Variants in PDE10A observed in about 807,000 individuals in gnomAD.
The protein encoded by PDE10A is cAMP and cAMP-inhibited cGMP 3',5'-cyclic phosphodiesterase 10A.
A neutral mutation model predicts 97.7 loss-of-function variants in PDE10A; 39 were observed. The observed-to-expected ratio is 0.40, with a 90% CI of 0.31 to 0.52. The LOEUF (loss-of-function observed/expected upper bound fraction) is 0.52. Among genes scored for constraint, PDE10A ranks in the 20% least tolerant of loss-of-function variants. PDE10A has a pLI of 0.56. For missense variants in PDE10A, 731 were observed against 1,047.8 expected, an observed-to-expected ratio of 0.70 and a Z score of 4.17; for synonymous variants, 371 against 376.8, an observed-to-expected ratio of 0.98 and a Z score of 0.18.
chr6:165,380,893 T>C (rs1482071608), intron 17 of PDE10A, among the ~76,000 whole-genome samples: 1 of 152,260 alleles, frequency 6.6e-6, no homozygotes, highest in East Asian at 1.9e-4. Context: ...AGCTCCTGCA[T>C]CAACACTGAA....
At chr6:165,627,979 T>A (rs1788463158) in intron 1 of PDE10A, among the ~76,000 whole-genome samples, 1 of 152,232 alleles carries the variant, frequency 6.6e-6, no homozygotes, top group Non-Finnish European at 1.5e-5. Flanking sequence ...CACATAATTG[T>A]GACACCTTGG....
intron 1 of PDE10A, among the ~76,000 whole-genome samples, chr6:165,937,806 A>G (rs1016971351): frequency 6.6e-6 from 1 of 152,194 alleles, no homozygotes; most frequent in African/African-American, 2.4e-5. Flanking sequence ...CCAGTTCTAT[A>G]AACAGGAGAC....
At chr6:165,683,258 A>T (rs1791025878) in intron 1 of PDE10A, among the ~76,000 whole-genome samples, 1 of 152,200 alleles carries the variant, frequency 6.6e-6, no homozygotes, top group African/African-American at 2.4e-5. Context: ...ATGGGCAAAA[A>T]GAACACTATT....
At chr6:165,389,222 G>A (rs946601605) in intron 16 of PDE10A, among the ~76,000 whole-genome samples, 2 of 152,136 alleles carry the variant, frequency 1.3e-5, no homozygotes, top group Non-Finnish European at 2.9e-5. Flanking sequence ...ATTATTACAC[G>A]GTTTTTAGCA....
At chr6:165,971,744 T>G (rs143900058) in intron 1 of PDE10A, among the ~76,000 whole-genome samples, 6 of 152,360 alleles carry the variant, frequency 3.9e-5, no homozygotes, top group Admixed American at 3.9e-4. Context: ...GAAGCGGTAC[T>G]GCAAACCACA....
intron 1 of PDE10A, among the ~76,000 whole-genome samples, chr6:165,593,425 T>C (rs1053020116): frequency 6.6e-6 from 1 of 151,952 alleles, no homozygotes; most frequent in Non-Finnish European, 1.5e-5. Flanking sequence ...TGCACATGTA[T>C]CCCAGAACTT....
intron 1 of PDE10A, among the ~76,000 whole-genome samples, chr6:165,838,117 G>C (rs545395993): frequency 1.9e-4 from 29 of 152,284 alleles, no homozygotes; most frequent in Middle Eastern, 3.4e-3. Flanking sequence ...TAATTGTAGG[G>C]TTTGAGTAAC....
At chr6:165,570,040 T>G (rs1264716867) in intron 1 of PDE10A, among the ~76,000 whole-genome samples, 2 of 152,140 alleles carry the variant, frequency 1.3e-5, no homozygotes, top group African/African-American at 4.8e-5. Flanking sequence ...CCAAAATTCA[T>G]GTGTTGAAGT....
At chr6:165,357,118 T>G (rs1242429426) in intron 18 of PDE10A, among the ~76,000 whole-genome samples, 1 of 152,158 alleles carries the variant, frequency 6.6e-6, no homozygotes, top group Admixed American at 6.5e-5. Flanking sequence ...GTCAGATGCT[T>G]TTTCTACATC....
chr6:165,691,176 TCTC>T (rs1791277399), intron 1 of PDE10A, among the ~76,000 whole-genome samples: 1 of 37,342 alleles, frequency 2.7e-5, no homozygotes, highest in Non-Finnish European at 6.4e-5. Flanking sequence ...TTTCTTTCTC[TCTC>T]TCTCTCTCCC....
At chr6:165,536,164 A>AT (rs1002866058) in intron 2 of PDE10A, among the ~76,000 whole-genome samples, 2 of 152,084 alleles carry the variant, frequency 1.3e-5, no homozygotes, top group Admixed American at 6.6e-5. Flanking sequence ...ATAAATCCAT[A>AT]TTTTTTAGTC....
At position 165,473,285 on chromosome 6, in the gene PDE10A, T is replaced by C. The variant is rs1779115766; in HGVS notation, c.1023+9030A>G. 2.0e-5 allele frequency among the ~76,000 whole-genome samples: 3 copies of C among 152,192 alleles called. 1 individual carries two copies. The highest frequency in any genetic ancestry group is 2.0e-4 in the Admixed American group (3 of 15,284). On this transcript the variant is annotated intron_variant, in intron 3 of 21. Coordinates refer to ENST00000539869, the MANE Select transcript of PDE10A (RefSeq NM_001385079.1). ...TAGAAATAAACATTCCCAACTGATA[T>C]AACTGACTGGATTAGACTGGTTTCA...
intron 1 of PDE10A, among the ~76,000 whole-genome samples, chr6:165,942,153 C>T (rs1211439905): frequency 6.6e-6 from 1 of 152,146 alleles, no homozygotes; most frequent in Non-Finnish European, 1.5e-5. Context: ...CCGTTACTGC[C>T]TCATTTATTA....
At chr6:165,441,376 T>C (rs1167697132) in intron 5 of PDE10A, among the ~76,000 whole-genome samples, 1 of 152,218 alleles carries the variant, frequency 6.6e-6, no homozygotes, top group African/African-American at 2.4e-5. Context: ...TGTTTTTGTA[T>C]GCTCAGCAAT....
intron 1 of PDE10A, among the ~76,000 whole-genome samples, chr6:165,827,768 C>T (rs1023820354): frequency 1.3e-5 from 2 of 152,174 alleles, no homozygotes; most frequent in African/African-American, 4.8e-5. Flanking sequence ...AAGCAGTGCA[C>T]GCTGCACCCA....
chr6:165,395,657 T>C (rs530260465), intron 14 of PDE10A, among the ~76,000 whole-genome samples: 1 of 152,192 alleles, frequency 6.6e-6, no homozygotes, highest in Non-Finnish European at 1.5e-5. Flanking sequence ...TTAACTGAGA[T>C]AACAATTTCA....
In PDE10A at chr6:165,715,096, G is replaced by A. The variant is rs1053062859; in HGVS notation, c.-614-171528C>T. On this transcript the variant is annotated intron_variant, in intron 1 of 19. Coordinates refer to the PDE10A transcript ENST00000366882. Reference sequence around the variant, plus strand: ...GCTCAGCCTGCAGGGACGGCCGCCCGAGAACCCCCGAGGGACGCTGCAGTG... The same window carrying A: ...GCTCAGCCTGCAGGGACGGCCGCCCAAGAACCCCCGAGGGACGCTGCAGTG... Among the ~76,000 whole-genome samples the A allele has an allele frequency of 9.2e-5, 14 of 152,348 alleles. No individual in the cohort carries two copies. The South Asian group carries it at 1.2e-3, about 14-fold the overall frequency.
chr6:165,509,972 G>C (rs113032512), intron 2 of PDE10A, among the ~76,000 whole-genome samples: 8 of 152,030 alleles, frequency 5.3e-5, no homozygotes, highest in African/African-American at 1.4e-4. Flanking sequence ...CAAGTTTTCT[G>C]ACGGTGTCTT....
chr6:165,513,171 G>A (rs894073833), intron 2 of PDE10A, among the ~76,000 whole-genome samples: 2 of 151,854 alleles, frequency 1.3e-5, no homozygotes, highest in African/African-American at 4.8e-5. Context: ...TTAGAATTTA[G>A]CTCTTACAGT....
Sources: allele counts gnomAD v4.1 joint callset (sites outside exome capture counted in the v4.1 genomes callset), GRCh38; gene constraint gnomAD v4.1.1; transcripts MANE v1.5; gene names NCBI Gene and HGNC (gene_info 2026-07-23, HGNC 2026-07-21).